The following CAMSAP2 variants were observed in gnomAD, a reference collection of about 807,000 sequenced individuals.
CAMSAP2 encodes calmodulin-regulated spectrin-associated protein 2.
CAMSAP2 carries 26 observed loss-of-function variants against 146.1 expected under a neutral mutation model. The ratio of observed to expected loss-of-function variants is 0.18; its 90% CI spans 0.13 to 0.25. The LOEUF is 0.25. CAMSAP2 is among the 10% of genes least tolerant of loss of function. The pLI is 1.00. For missense variants in CAMSAP2, 1,381 were observed against 1,759.3 expected, an observed-to-expected ratio of 0.78 and a Z score of 3.85; for synonymous variants, 499 against 596.6, an observed-to-expected ratio of 0.84 and a Z score of 2.38.
intron 2 of CAMSAP2, among the ~76,000 whole-genome samples, chr1:200,786,432 G>A (rs896734809): frequency 1.3e-5 from 2 of 150,928 alleles, no homozygotes; most frequent in African/African-American, 4.9e-5. Context: ...CGCCCAGGCT[G>A]GAGTGCAGTG....
chr1:200,823,035 C>G (rs1275331820), intron 4 of CAMSAP2, among the ~76,000 whole-genome samples: 1 of 152,136 alleles, frequency 6.6e-6, no homozygotes, highest in Non-Finnish European at 1.5e-5. Flanking sequence ...TGTAAATAGC[C>G]TATCTTTCTT....
chr1:200,839,700 A>G (rs889777411), intron 6 of CAMSAP2, among the ~76,000 whole-genome samples: 41 of 152,252 alleles, frequency 2.7e-4, no homozygotes, highest in Admixed American at 7.2e-4. Flanking sequence ...GGACTCAGGG[A>G]AAAAAGCAGG....
rs181875409 is a variant in CAMSAP2 at position 200,764,241 on chromosome 1, T to G, written c.399+3143T>G. 3.6e-3 allele frequency among the ~76,000 whole-genome samples: 541 copies of G among 152,330 alleles called. 6 individuals are homozygous for G. The highest frequency in any genetic ancestry group is 0.013 in the African/African-American group (522 of 41,568). On this transcript the variant is annotated intron_variant, in intron 2 of 16. Transcript: ENST00000358823. ...TAAATTATTTTTAATTTGGGATATT[T>G]TATTTCTGTATGCCAGCCTTTTGGG...
Position 200,857,719 on chromosome 1 carries a change from GTGT to G in CAMSAP2, c.4132-30_4132-28del, listed in dbSNP as rs1667782604. ...TCAGCAAAATAAAGGGTTTTTATTCGTGTTGTTATGTTGTTTTTGTTTTTTATT... is the reference window on the plus strand; with the variant it reads ...TCAGCAAAATAAAGGGTTTTTATTCGTGTTATGTTGTTTTTGTTTTTTATT... On this transcript the variant is annotated intron_variant, in intron 16 of 16. Coordinates refer to ENST00000358823, the MANE Select transcript of CAMSAP2 (RefSeq NM_203459.4). This position sits in a 1 kb window ranked among gnomAD's most constrained non-coding sequence, Gnocchi z 4.7. 6.7e-7 allele frequency: 1 copy of G among 1,498,044 alleles called. No homozygotes were observed. Among genetic ancestry groups the G allele is most frequent in the African/African-American group, 1.4e-5 (1 of 71,086 alleles). The allele number at this position is 1,498,044 out of a possible 1,614,324, so 92.8% of individuals were successfully genotyped here.
intron 2 of CAMSAP2, among the ~76,000 whole-genome samples, chr1:200,762,188 G>C (rs1371222640): frequency 6.6e-6 from 1 of 152,102 alleles, no homozygotes; most frequent in Non-Finnish European, 1.5e-5. Context: ...ATGAGGTGAT[G>C]ACCTGTTTTG....
rs746966343 is a variant in CAMSAP2, at chr1:200,816,806, GTATA to G, written c.645+1166_645+1169del. On this transcript the variant is annotated intron_variant, in intron 4 of 16. Coordinates refer to ENST00000358823, the MANE Select transcript of CAMSAP2 (RefSeq NM_203459.4). ...TATATGTGTGTACACACACACGCGT[GTATA>G]TATGTGTGTACACACACACGCGTGT... 9.9e-4 allele frequency among the ~76,000 whole-genome samples: 72 copies of G among 72,910 alleles called. 9 individuals are homozygous for G. Among genetic ancestry groups the G allele is most frequent in the Non-Finnish European group, 1.3e-3 (52 of 39,988 alleles). 47.8% of individuals were successfully genotyped at this position (72,910 alleles called of 152,430 possible). A position where few individuals can be genotyped will look rare whatever the true frequency, so the allele number is the denominator to read the frequency against.
intron 2 of CAMSAP2, among the ~76,000 whole-genome samples, chr1:200,778,943 A>G (rs1216613065): frequency 1.3e-5 from 2 of 152,184 alleles, no homozygotes; most frequent in Non-Finnish European, 2.9e-5. Context: ...GGCACAAGAC[A>G]ATGAATGAGG....
chr1:200,830,450 C>G (rs1667014077), intron 4 of CAMSAP2, among the ~76,000 whole-genome samples: 1 of 152,212 alleles, frequency 6.6e-6, no homozygotes, highest in Non-Finnish European at 1.5e-5. Flanking sequence ...TAGTCCAATT[C>G]AGGTCATAGG....
chr1:200,739,380 G>A lies in CAMSAP2; in HGVS notation c.-448G>A, dbSNP rs182971866. ...GCGAGGGCGTGCGGGCATCGCGATG[G>A]CGGGGACATTTTCCACAACGTGATT... On this transcript the variant is annotated 5_prime_UTR_variant, in exon 1 of 17. Coordinates refer to ENST00000358823, the MANE Select transcript of CAMSAP2 (RefSeq NM_203459.4). The surrounding 1 kb of genome is among the most constrained non-coding windows in gnomAD (Gnocchi z 4.8). 5.7e-4 allele frequency among the ~76,000 whole-genome samples: 87 copies of A among 152,298 alleles called. No homozygotes were observed. The highest frequency in any genetic ancestry group is 2.0e-3 in the African/African-American group (83 of 41,578).
chr1:200,748,299 T>C (rs1322809643), intron 1 of CAMSAP2, among the ~76,000 whole-genome samples: 1 of 152,218 alleles, frequency 6.6e-6, no homozygotes, highest in Non-Finnish European at 1.5e-5. Flanking sequence ...TCTATACGTG[T>C]ATCAGTATGT....
intron 1 of CAMSAP2, among the ~76,000 whole-genome samples, chr1:200,759,140 A>G (rs745378967): frequency 1.3e-5 from 2 of 151,352 alleles, no homozygotes; most frequent in Non-Finnish European, 2.9e-5. Context: ...GCTTTCCCAC[A>G]TGAACTCTTC....
At chr1:200,811,205 T>C (rs12756996) in intron 3 of CAMSAP2, among the ~76,000 whole-genome samples, 19,592 of 152,112 alleles carry the variant, frequency 0.13, 1,296 homozygotes, top group East Asian at 0.17. Context: ...CTCTACTTGG[T>C]GGGATTTGAA....
In CAMSAP2 at chr1:200,854,852, G is replaced by C; in HGVS notation, c.3859G>C (p.Asp1287His). The change falls in exon 14 of 17, where the codon GAT (aspartate) becomes CAT (histidine). Residue 1287 changes from aspartate to histidine, a missense_variant. Around this residue, in one of 4 missense-constraint regions of CAMSAP2, gnomAD observed 560 missense variants for 715.9 expected, o/e 0.78. Coordinates refer to ENST00000358823, the MANE Select transcript of CAMSAP2 (RefSeq NM_203459.4). Reference sequence around the variant, plus strand: ...TTCTTTGGCATCGCTGAACACGGGTGATAACGAGAGTGTACATTCAGGCAA... The same window carrying C: ...TTCTTTGGCATCGCTGAACACGGGTCATAACGAGAGTGTACATTCAGGCAA... ...SLSLASLNTG[D>H]NESVHSGKRT... 6.2e-7 allele frequency: 1 copy of C among 1,612,208 alleles called. No homozygotes were observed. Among genetic ancestry groups the C allele is most frequent in the East Asian group, 2.2e-5 (1 of 44,796 alleles).
Position 200,782,063 on chromosome 1 carries a change from A to T in CAMSAP2, c.399+20965A>T, listed in dbSNP as rs781503619. 1.3e-5 allele frequency among the ~76,000 whole-genome samples: 2 copies of T among 152,220 alleles called. 1 individual carries two copies. Among genetic ancestry groups the T allele is most frequent in the Non-Finnish European group, 2.9e-5 (2 of 68,036 alleles). ...AGATTATCTTCAGATTTTATTCATT[A>T]TTGTAATAAAATGATTCTGTAGGCT... On this transcript the variant is annotated intron_variant, in intron 2 of 16. Coordinates refer to ENST00000358823, the MANE Select transcript of CAMSAP2 (RefSeq NM_203459.4).
At chr1:200,831,720 C>T (rs2102215440) in intron 4 of CAMSAP2, among the ~76,000 whole-genome samples, 1 of 151,596 alleles carries the variant, frequency 6.6e-6, no homozygotes, top group Non-Finnish European at 1.5e-5. Flanking sequence ...GATACTATTC[C>T]AGTTCCTCAA....
intron 4 of CAMSAP2, among the ~76,000 whole-genome samples, chr1:200,816,774 G>A (rs555581364): frequency 0.058 from 5,467 of 94,964 alleles, 1,677 homozygotes; most frequent in Middle Eastern, 0.082. Context: ...ACACACACAC[G>A]CGTGTATATA....
chr1:200,857,301 C>T lies in CAMSAP2; in HGVS notation c.4013-5C>T, dbSNP rs1361439436. 2 of 1,560,008 alleles carry T rather than the reference C, an allele frequency of 1.3e-6. No individual in the cohort carries two copies. Among genetic ancestry groups the T allele is most frequent in the Admixed American group, 3.4e-5 (2 of 59,380 alleles). On this transcript the variant is annotated splice_polypyrimidine_tract_variant and splice_region_variant and intron_variant, in intron 15 of 16. Coordinates refer to ENST00000358823, the MANE Select transcript of CAMSAP2 (RefSeq NM_203459.4). The surrounding 1 kb of genome is among the most constrained non-coding windows in gnomAD (Gnocchi z 4.7). ...TTTATTATTGTTGTTAAATCCCTAC[C>T]ATAGGACCAAAGCTCTACAAAGAAC...
At chr1:200,841,482 G>A (rs1418068210) in intron 6 of CAMSAP2, among the ~76,000 whole-genome samples, 4 of 152,132 alleles carry the variant, frequency 2.6e-5, no homozygotes, top group Non-Finnish European at 4.4e-5. Context: ...TCCTGACCTC[G>A]TGATCTGCCC....
chr1:200,759,932 TTC>T (rs1312877513), intron 1 of CAMSAP2, among the ~76,000 whole-genome samples: 5 of 152,226 alleles, frequency 3.3e-5, no homozygotes, highest in African/African-American at 9.6e-5. Context: ...AGTATTTTGT[TTC>T]TCTCGTTTGT....
Sources: allele counts gnomAD v4.1 joint callset (sites outside exome capture counted in the v4.1 genomes callset), GRCh38; gene constraint gnomAD v4.1.1; regional missense constraint gnomAD v4.1.1; non-coding constraint Gnocchi (gnomAD v3.1); transcripts MANE v1.5; gene names NCBI Gene and HGNC (gene_info 2026-07-23, HGNC 2026-07-21).